Variants in NEO1 observed in about 807,000 individuals in gnomAD.
NEO1 encodes the protein neogenin 1.
A neutral mutation model predicts 159.7 loss-of-function variants in NEO1; 63 were observed. That is an observed-to-expected ratio of 0.39 (90% CI 0.32 to 0.49). The LOEUF is 0.49. NEO1 is among the 20% of genes least tolerant of loss of function. The pLI is 0.85. For missense variants in NEO1, 1,615 were observed against 1,831.0 expected (o/e 0.88, Z 2.15); for synonymous variants, 633 against 662.0 (o/e 0.96, Z 0.67).
chr15:73,133,844 G>A (rs2031433072), intron 4 of NEO1, among the ~76,000 whole-genome samples: 1 of 151,918 alleles, frequency 6.6e-6, no homozygotes, highest in South Asian at 2.1e-4. Flanking sequence ...TTTTTTAAAG[G>A]GAGTAAAATC....
At chr15:73,121,537 A>G (rs2071648779) in intron 2 of NEO1, among the ~76,000 whole-genome samples, 1 of 152,142 alleles carries the variant, frequency 6.6e-6, no homozygotes, top group Admixed American at 6.6e-5. Flanking sequence ...AATAATGAGT[A>G]TTTTGGGAAG....
At chr15:73,260,067 CT>C (rs11327718) in intron 14 of NEO1, among the ~76,000 whole-genome samples, 69,639 of 136,194 alleles carry the variant, frequency 0.51, 16,672 homozygotes, top group Admixed American at 0.57. Context: ...CTGTTCAGGT[CT>C]TTTTTTTTTT....
At chr15:73,240,803 T>C (rs2039452996) in intron 8 of NEO1, among the ~76,000 whole-genome samples, 1 of 152,238 alleles carries the variant, frequency 6.6e-6, no homozygotes. Flanking sequence ...GAGACCATAA[T>C]AGTTTTTTGT....
intron 18 of NEO1, among the ~76,000 whole-genome samples, chr15:73,270,892 A>G (rs1387562598): frequency 6.6e-6 from 1 of 152,222 alleles, no homozygotes; most frequent in Non-Finnish European, 1.5e-5. Flanking sequence ...GGTCTTTGTA[A>G]GTGGACACGA....
intron 11 of NEO1, among the ~76,000 whole-genome samples, chr15:73,250,121 C>T (rs2039998545): frequency 2.0e-5 from 3 of 151,934 alleles, no homozygotes. Flanking sequence ...CTAGTTCCTC[C>T]GTATTTGTGA....
chr15:73,295,976 G>C (rs1167906559), intron 26 of NEO1, among the ~76,000 whole-genome samples: 1 of 152,194 alleles, frequency 6.6e-6, no homozygotes, highest in African/African-American at 2.4e-5. Context: ...ATTCTAAGCA[G>C]GCCAGTGATT....
At position 73,118,245 on chromosome 15, in the gene NEO1, C is replaced by T. The variant is rs192319235; in HGVS notation, c.448+1388C>T. On this transcript the variant is annotated intron_variant, in intron 2 of 28. Coordinates refer to ENST00000261908, the MANE Select transcript of NEO1 (RefSeq NM_002499.4). ...CCACAGCCTTATAAGCATCTGCCTG[C>T]TACCTTATTCTTCCCCTCCTCCAGT... Among the ~76,000 whole-genome samples the T allele has an allele frequency of 1.2e-4, 19 of 152,120 alleles. No individual in the cohort carries two copies. The East Asian group carries it at 2.3e-3, about 19-fold the overall frequency.
At chr15:73,086,276 A>G (rs1003482715) in intron 1 of NEO1, among the ~76,000 whole-genome samples, 3 of 152,172 alleles carry the variant, frequency 2.0e-5, no homozygotes, top group African/African-American at 4.8e-5. Flanking sequence ...GTTTGGTTCC[A>G]TTGATCTATA....
intron 12 of NEO1, among the ~76,000 whole-genome samples, chr15:73,254,019 A>G (rs933394188): frequency 6.6e-6 from 1 of 152,204 alleles, no homozygotes; most frequent in East Asian, 1.9e-4. Context: ...TAAGATAATC[A>G]GTCCTTTCAG....
At chr15:73,295,958 C>G (rs2042347986) in intron 26 of NEO1, among the ~76,000 whole-genome samples, 1 of 152,194 alleles carries the variant, frequency 6.6e-6, no homozygotes, top group African/African-American at 2.4e-5. Context: ...ATTTTACTTA[C>G]AGCATGGATT....
chr15:73,110,518 G>A (rs745558962), intron 1 of NEO1, among the ~76,000 whole-genome samples: 12 of 152,236 alleles, frequency 7.9e-5, no homozygotes, highest in Middle Eastern at 6.8e-3. Flanking sequence ...GACATGCACC[G>A]AGGGATATGA....
rs543211985 is a variant in NEO1 at position 73,250,438 on chromosome 15, A to G, written c.1894+717A>G. 1.7e-3 allele frequency among the ~76,000 whole-genome samples: 261 copies of G among 152,332 alleles called. No homozygotes were observed. In the South Asian group the frequency reaches 0.022, roughly 13 times the overall value. ...GTGTATACCGCTCTTACGTAAACAC[A>G]CATGCTTTAGAAGGTAAAGTTTGAC... On this transcript the variant is annotated intron_variant, in intron 11 of 28. Coordinates refer to ENST00000261908, the MANE Select transcript of NEO1 (RefSeq NM_002499.4).
rs533516769 is a variant in NEO1, at chr15:73,262,570, G to A, written c.2398+2105G>A. Among the ~76,000 whole-genome samples, 12 of 152,142 alleles carry A rather than the reference G, an allele frequency of 7.9e-5. No homozygotes were observed. The South Asian group carries it at 8.3e-4, about 11-fold the overall frequency. On this transcript the variant is annotated intron_variant, in intron 15 of 28. Coordinates refer to ENST00000261908, the MANE Select transcript of NEO1 (RefSeq NM_002499.4). ...CACAATGAAATGCTATTGCACACCCGCTAGAATTGCTAAATGTTAGTAGAC... is the reference window on the plus strand; with the variant it reads ...CACAATGAAATGCTATTGCACACCCACTAGAATTGCTAAATGTTAGTAGAC...
At chr15:73,149,087 C>A (rs182023581) in intron 5 of NEO1, among the ~76,000 whole-genome samples, 1 of 151,902 alleles carries the variant, frequency 6.6e-6, no homozygotes, top group South Asian at 2.1e-4. Context: ...AAGGCCGAGG[C>A]GAGTGGATCA....
Position 73,215,904 on chromosome 15 carries a change from G to A in NEO1, c.1292-20443G>A, listed in dbSNP as rs566684954. Among the ~76,000 whole-genome samples, 8 of 152,018 alleles carry A rather than the reference G, an allele frequency of 5.3e-5. No homozygotes were observed. In the South Asian group the frequency reaches 8.3e-4, roughly 16 times the overall value. On this transcript the variant is annotated intron_variant, in intron 7 of 28. Coordinates refer to ENST00000261908, the MANE Select transcript of NEO1 (RefSeq NM_002499.4). ...CTGATAGAATTCTACTGTGAAATCT[G>A]TCTTGTCCTGGACATTTTTTTTGTT... is the stretch of plus-strand genomic sequence containing the variant.
intron 1 of NEO1, among the ~76,000 whole-genome samples, chr15:73,106,540 TA>T (rs2070702917): frequency 6.6e-6 from 1 of 152,186 alleles, no homozygotes. Flanking sequence ...CTTAAAATCT[TA>T]ATTTAGATGA....
chr15:73,163,584 A>T (rs1293079784), intron 5 of NEO1, among the ~76,000 whole-genome samples: 6 of 152,196 alleles, frequency 3.9e-5, no homozygotes, highest in African/African-American at 1.2e-4. Context: ...CAGGACTATA[A>T]TCAGTATTTA....
chr15:73,174,775 G>A (rs1442097131), intron 5 of NEO1, among the ~76,000 whole-genome samples: 6 of 152,030 alleles, frequency 3.9e-5, no homozygotes, highest in African/African-American at 1.2e-4. Flanking sequence ...TTGGAAAAAC[G>A]GCAGCATATT....
chr15:73,135,183 A>T (rs2031608272), intron 4 of NEO1, among the ~76,000 whole-genome samples: 1 of 152,138 alleles, frequency 6.6e-6, no homozygotes, highest in African/African-American at 2.4e-5. Context: ...CAGAGTATTG[A>T]TTGTTCTTCA....
Sources: allele counts gnomAD v4.1 joint callset (sites outside exome capture counted in the v4.1 genomes callset), GRCh38; gene constraint gnomAD v4.1.1; transcripts MANE v1.5; gene names NCBI Gene and HGNC (gene_info 2026-07-23, HGNC 2026-07-21).